Variants in SGCZ observed in about 807,000 individuals in gnomAD.
The protein encoded by SGCZ is sarcoglycan zeta.
In SGCZ, 40 loss-of-function variants were observed where a neutral mutation model predicts 41.3. The ratio of observed to expected loss-of-function variants is 0.97; its 90% CI spans 0.75 to 1.26. The LOEUF is 1.26. Ranked by LOEUF, SGCZ falls within the 50% of genes most tolerant of loss-of-function variation. SGCZ has a pLI of 0.00. For synonymous variants in SGCZ, 206 were observed against 137.5 expected (o/e 1.50, Z -3.49); for missense variants, 552 against 369.8 (o/e 1.49, Z -4.04).
At chr8:14,913,587 C>T (rs946176961) in intron 1 of SGCZ, among the ~76,000 whole-genome samples, 1 of 151,980 alleles carries the variant, frequency 6.6e-6, no homozygotes, top group African/African-American at 2.4e-5. Context: ...AGGTCTGTAA[C>T]GGATTAGTGT....
intron 1 of SGCZ, among the ~76,000 whole-genome samples, chr8:15,166,081 T>C (rs1227265638): frequency 6.6e-6 from 1 of 152,156 alleles, no homozygotes; most frequent in East Asian, 1.9e-4. Context: ...TTAATAGCCT[T>C]CCCAAAATCA....
At chr8:14,112,002 A>C (rs1023925983) in intron 5 of SGCZ, among the ~76,000 whole-genome samples, 1 of 152,166 alleles carries the variant, frequency 6.6e-6, no homozygotes, top group African/African-American at 2.4e-5. Context: ...GTTATATCCT[A>C]CGCTACTCAT....
At chr8:15,171,100 A>G (rs1161018155) in intron 1 of SGCZ, among the ~76,000 whole-genome samples, 1 of 152,248 alleles carries the variant, frequency 6.6e-6, no homozygotes, top group African/African-American at 2.4e-5. Flanking sequence ...TAGACAAAAG[A>G]TAACAAGAAA....
chr8:14,504,297 C>A (rs1345242152), intron 2 of SGCZ, among the ~76,000 whole-genome samples: 1 of 152,126 alleles, frequency 6.6e-6, no homozygotes, highest in Non-Finnish European at 1.5e-5. Flanking sequence ...TCACAAATAT[C>A]TTTTTTAATA....
intron 1 of SGCZ, among the ~76,000 whole-genome samples, chr8:14,873,059 C>A (rs1484288970): frequency 6.6e-6 from 1 of 152,040 alleles, no homozygotes; most frequent in African/African-American, 2.4e-5. Flanking sequence ...TAGAAGGAGT[C>A]AGGTTTTGGT....
At chr8:14,224,223 C>G (rs1806296155) in intron 4 of SGCZ, among the ~76,000 whole-genome samples, 1 of 152,096 alleles carries the variant, frequency 6.6e-6, no homozygotes. Flanking sequence ...CATTTGCTGA[C>G]AAAGGATACA....
chr8:14,965,245 A>G (rs1801095280), intron 1 of SGCZ, among the ~76,000 whole-genome samples: 2 of 152,204 alleles, frequency 1.3e-5, no homozygotes, highest in Admixed American at 6.5e-5. Context: ...CTCCTCCTCA[A>G]TAGTGCCACC....
At chr8:15,197,412 T>A (rs1188489958) in intron 1 of SGCZ, among the ~76,000 whole-genome samples, 1 of 152,146 alleles carries the variant, frequency 6.6e-6, no homozygotes, top group Non-Finnish European at 1.5e-5. Flanking sequence ...AGGAAAAATA[T>A]CAAAGAGTTT....
At chr8:15,085,414 T>A (rs1028360188) in intron 1 of SGCZ, among the ~76,000 whole-genome samples, 6 of 152,286 alleles carry the variant, frequency 3.9e-5, no homozygotes, top group Non-Finnish European at 5.9e-5. Flanking sequence ...CAGTACACGA[T>A]GGGTCCATTC....
intron 1 of SGCZ, among the ~76,000 whole-genome samples, chr8:14,913,350 G>A (rs1799332944): frequency 6.6e-6 from 1 of 151,970 alleles, no homozygotes; most frequent in Non-Finnish European, 1.5e-5. Flanking sequence ...TCTTAATTGT[G>A]CTCTCACAAC....
At chr8:15,065,206 T>A (rs1479812651) in intron 1 of SGCZ, among the ~76,000 whole-genome samples, 2 of 152,048 alleles carry the variant, frequency 1.3e-5, no homozygotes, top group Non-Finnish European at 2.9e-5. Flanking sequence ...TGCTCTGGAC[T>A]CCATTTCAAA....
At chr8:14,685,067 G>C (rs1451203292) in intron 1 of SGCZ, among the ~76,000 whole-genome samples, 3 of 150,284 alleles carry the variant, frequency 2.0e-5, no homozygotes, top group East Asian at 2.0e-4. Context: ...TCAGCCTCTT[G>C]ACTGTACCAT....
chr8:14,617,443 T>G (rs1033613004), intron 1 of SGCZ, among the ~76,000 whole-genome samples: 8 of 152,192 alleles, frequency 5.3e-5, no homozygotes, highest in Non-Finnish European at 7.4e-5. Flanking sequence ...TATGTCTCAT[T>G]AGTCATAGCT....
intron 2 of SGCZ, among the ~76,000 whole-genome samples, chr8:14,549,646 G>A (rs148257349): frequency 4.6e-5 from 7 of 152,150 alleles, no homozygotes; most frequent in East Asian, 3.9e-4. Flanking sequence ...ATGCGGGGAC[G>A]TTGATAGAGG....
chr8:15,200,665 G>T (rs1340714324), intron 1 of SGCZ, among the ~76,000 whole-genome samples: 1 of 152,162 alleles, frequency 6.6e-6, no homozygotes, highest in African/African-American at 2.4e-5. Flanking sequence ...GTGAGAGCCA[G>T]CCTGGGTGGT....
intron 4 of SGCZ, among the ~76,000 whole-genome samples, chr8:14,183,116 T>C (rs1171928232): frequency 1.3e-5 from 2 of 152,112 alleles, no homozygotes; most frequent in African/African-American, 4.8e-5. Flanking sequence ...TTACAAATAT[T>C]ACAGGTGTTA....
intron 1 of SGCZ, among the ~76,000 whole-genome samples, chr8:14,900,057 T>C (rs1369727840): frequency 6.6e-6 from 1 of 152,100 alleles, no homozygotes; most frequent in Non-Finnish European, 1.5e-5. Context: ...CTGTGGAAGT[T>C]GGATATTTTA....
At chr8:14,910,346 T>A (rs1799246851) in intron 1 of SGCZ, among the ~76,000 whole-genome samples, 1 of 152,046 alleles carries the variant, frequency 6.6e-6, no homozygotes, top group East Asian at 1.9e-4. Flanking sequence ...CACAGTACCA[T>A]TTAATACATA....
chr8:14,138,203 C>A (rs976390092), intron 5 of SGCZ, among the ~76,000 whole-genome samples: 7 of 152,146 alleles, frequency 4.6e-5, no homozygotes, highest in African/African-American at 1.7e-4. Flanking sequence ...AAAGGAACAA[C>A]CAGTACCAGC....
Sources: gnomAD v4.1 joint callset for allele counts (sites outside exome capture counted in the v4.1 genomes callset) on GRCh38, gnomAD v4.1.1 for gene constraint, MANE v1.5 for transcripts, NCBI Gene and HGNC (gene_info 2026-07-23, HGNC 2026-07-21) for gene names.